The following RBFOX1 variants were observed in gnomAD, a reference collection of about 807,000 sequenced individuals.
RBFOX1 encodes RNA binding fox-1 homolog 1.
A neutral mutation model predicts 57.7 loss-of-function variants in RBFOX1; 8 were observed. The observed-to-expected ratio is 0.14, with a 90% confidence interval of 0.08 to 0.25. The LOEUF (loss-of-function observed/expected upper bound fraction) is 0.25, where lower values mean the gene tolerates loss of function less well. Ranked by LOEUF, RBFOX1 falls within the 10% of genes least tolerant of loss-of-function variation. The probability of loss-of-function intolerance (pLI) is 1.00; values close to 1 mark genes in which losing one functional copy is unlikely to be tolerated. For missense variants in RBFOX1, 611 were observed against 548.5 expected (o/e 1.11, Z -1.14); for synonymous variants, 326 against 222.4 (o/e 1.47, Z -4.15).
At position 7,478,986 on chromosome 16, in the gene RBFOX1, A is replaced by G. The variant is rs899379614; in HGVS notation, c.28-39161A>G. Among the ~76,000 whole-genome samples, 4 of 152,096 alleles carry G rather than the reference A, an allele frequency of 2.6e-5. 1 individual carries two copies. The South Asian group carries it at 6.2e-4, about 24-fold the overall frequency. On this transcript the variant is annotated intron_variant, in intron 4 of 15. Coordinates refer to ENST00000550418, the MANE Select transcript of RBFOX1 (RefSeq NM_018723.4). ...CGGTATTAGCCTCTCTGCAGATACA[A>G]TCTCACTTAGACGTACCAGCCACTG...
intron 3 of RBFOX1, among the ~76,000 whole-genome samples, chr16:6,679,940 G>C (rs1216906884): frequency 7.5e-6 from 1 of 132,950 alleles, no homozygotes; most frequent in East Asian, 2.3e-4. Context: ...TGGTCTCATG[G>C]AGTTCTTTAA....
At chr16:6,922,447 G>A (rs895353306) in intron 3 of RBFOX1, among the ~76,000 whole-genome samples, 1 of 152,156 alleles carries the variant, frequency 6.6e-6, no homozygotes, top group African/African-American at 2.4e-5. Context: ...AGGCTGTCTT[G>A]CCTCTTCCTG....
chr16:6,582,496 C>T (rs548962343), intron 2 of RBFOX1, among the ~76,000 whole-genome samples: 29 of 147,322 alleles, frequency 2.0e-4, no homozygotes, highest in Non-Finnish European at 3.3e-4. Flanking sequence ...TGCCCTTGGA[C>T]CTCAAAGGCC....
rs143143978 is a variant in RBFOX1, at chr16:6,267,642, G to A, written c.-126-49353G>A. 5.8e-3 allele frequency among the ~76,000 whole-genome samples: 879 copies of A among 151,394 alleles called. 1 individual carries two copies. The highest frequency in any genetic ancestry group is 0.01 in the Middle Eastern group (3 of 292). ...ACTGCAAAACCCTGAACATCAACAAGCTTCAGTGTTGCAGATACTAGGAGA... is the reference window on the plus strand; with the variant it reads ...ACTGCAAAACCCTGAACATCAACAAACTTCAGTGTTGCAGATACTAGGAGA... On this transcript the variant is annotated intron_variant, in intron 1 of 15. Transcript: ENST00000550418.
intron 2 of RBFOX1, among the ~76,000 whole-genome samples, chr16:5,561,323 T>C (rs1270589268): frequency 2.0e-5 from 3 of 152,204 alleles, no homozygotes. Context: ...TTTCAGATAC[T>C]TATAATTAGG....
chr16:5,734,299 A>G (rs1322621945), intron 3 of RBFOX1, among the ~76,000 whole-genome samples: 1 of 152,154 alleles, frequency 6.6e-6, no homozygotes, highest in Non-Finnish European at 1.5e-5. Flanking sequence ...ACGTCTACAC[A>G]AAATAGGAAT....
intron 4 of RBFOX1, among the ~76,000 whole-genome samples, chr16:7,195,926 C>T (rs1258359860): frequency 4.6e-5 from 7 of 151,996 alleles, no homozygotes; most frequent in South Asian, 2.1e-4. Context: ...GGTTAGCCCA[C>T]GTGATATGAT....
intron 6 of RBFOX1, among the ~76,000 whole-genome samples, chr16:7,582,792 A>G (rs1160831853): frequency 3.3e-5 from 5 of 152,158 alleles, no homozygotes; most frequent in Admixed American, 1.3e-4. Context: ...ACAGAGAAAA[A>G]CAGTCACAAA....
chr16:7,483,959 C>T (rs914449594), intron 4 of RBFOX1, among the ~76,000 whole-genome samples: 3 of 152,208 alleles, frequency 2.0e-5, no homozygotes, highest in Non-Finnish European at 4.4e-5. Flanking sequence ...ACTACAGTTC[C>T]TTGACCTTAA....
chr16:7,395,805 A>G (rs2098130349), intron 4 of RBFOX1, among the ~76,000 whole-genome samples: 1 of 152,214 alleles, frequency 6.6e-6, no homozygotes, highest in African/African-American at 2.4e-5. Flanking sequence ...CTCAAAGACT[A>G]GATTTTTGTT....
intron 2 of RBFOX1, among the ~76,000 whole-genome samples, chr16:5,525,491 A>ATT (rs71404528): frequency 0.23 from 17,905 of 78,100 alleles, 2,906 homozygotes; most frequent in East Asian, 0.74. Context: ...AGCCGACACT[A>ATT]TTTTTTTTTT....
intron 2 of RBFOX1, among the ~76,000 whole-genome samples, chr16:5,526,480 G>T (rs2015887): frequency 6.6e-6 from 1 of 151,572 alleles, no homozygotes; most frequent in African/African-American, 2.4e-5. Flanking sequence ...GTAGAGATGG[G>T]GTTTTACCAT....
intron 3 of RBFOX1, among the ~76,000 whole-genome samples, chr16:5,813,124 C>G (rs1181158496): frequency 6.6e-6 from 1 of 151,882 alleles, no homozygotes; most frequent in African/African-American, 2.4e-5. Context: ...TCTCCTGCCT[C>G]AGCCTCCCGA....
At chr16:5,623,822 A>T (rs1461946643) in intron 3 of RBFOX1, among the ~76,000 whole-genome samples, 1 of 152,118 alleles carries the variant, frequency 6.6e-6, no homozygotes, top group Non-Finnish European at 1.5e-5. Context: ...TTCACTGTTT[A>T]TAAAGGCTTT....
rs897249397 is a variant in RBFOX1 at position 7,615,313 on chromosome 16, A to G, written c.676+7975A>G. Among the ~76,000 whole-genome samples, 10 of 148,046 alleles carry G rather than the reference A, an allele frequency of 6.8e-5. 1 individual carries two copies. In the South Asian group the frequency reaches 1.5e-3, roughly 22 times the overall value. On this transcript the variant is annotated intron_variant, in intron 10 of 15. Coordinates refer to ENST00000550418, the MANE Select transcript of RBFOX1 (RefSeq NM_018723.4). Reference sequence around the variant, plus strand: ...GTGCCACTGCACTCCAGCCTGGGCAATAGAGCAAGACTCCATCTCAAAATA... The same window carrying G: ...GTGCCACTGCACTCCAGCCTGGGCAGTAGAGCAAGACTCCATCTCAAAATA...
At chr16:6,161,501 G>A (rs1419445301) in intron 1 of RBFOX1, among the ~76,000 whole-genome samples, 1 of 152,144 alleles carries the variant, frequency 6.6e-6, no homozygotes, top group Non-Finnish European at 1.5e-5. Context: ...GGGAAGCAGG[G>A]GTTTTGTCCT....
rs1601609689 is a variant in RBFOX1 at position 7,165,601 on chromosome 16, G to C, written c.27+113503G>C. Reference sequence around the variant, plus strand: ...TGCACCACCACGCCCGGCTAATTTTGTATTTTTAGTAGAGATGAAGTTTCT... The same window carrying C: ...TGCACCACCACGCCCGGCTAATTTTCTATTTTTAGTAGAGATGAAGTTTCT... On this transcript the variant is annotated intron_variant, in intron 4 of 15. Coordinates refer to ENST00000550418, the MANE Select transcript of RBFOX1 (RefSeq NM_018723.4). 2.6e-5 allele frequency among the ~76,000 whole-genome samples: 4 copies of C among 151,626 alleles called. No individual in the cohort carries two copies. The South Asian group carries it at 8.4e-4, about 32-fold the overall frequency.
At chr16:7,432,151 G>C (rs2098687094) in intron 4 of RBFOX1, among the ~76,000 whole-genome samples, 1 of 152,224 alleles carries the variant, frequency 6.6e-6, no homozygotes, top group Admixed American at 6.5e-5. Context: ...CAGGTCAGCA[G>C]GGGTGCCTGC....
At chr16:6,639,915 G>C (rs2098473643) in intron 2 of RBFOX1, among the ~76,000 whole-genome samples, 2 of 151,920 alleles carry the variant, frequency 1.3e-5, no homozygotes, top group African/African-American at 2.4e-5. Flanking sequence ...AAAAAAACAA[G>C]ATTACAGTTA....
Sources: gnomAD v4.1 joint callset for allele counts (sites outside exome capture counted in the v4.1 genomes callset) on GRCh38, gnomAD v4.1.1 for gene constraint, MANE v1.5 for transcripts, NCBI Gene and HGNC (gene_info 2026-07-23, HGNC 2026-07-21) for gene names.